DOCK4: variants seen among roughly 807,000 people sequenced by gnomAD.
The protein encoded by DOCK4 is dedicator of cytokinesis protein 4.
DOCK4 carries 97 observed loss-of-function variants against 268.1 expected under a neutral mutation model. The observed-to-expected ratio is 0.36, with a 90% CI of 0.31 to 0.43. The LOEUF is 0.43. DOCK4 is among the 20% of genes least tolerant of loss of function. The probability of loss-of-function intolerance (pLI) is 1.00; values close to 1 mark genes in which losing one functional copy is unlikely to be tolerated. For synonymous variants in DOCK4, 954 were observed against 887.2 expected (o/e 1.08, Z -1.34); for missense variants, 2,145 against 2,455.7 (o/e 0.87, Z 2.67).
intron 40 of DOCK4, 31 bp from the exon 41 acceptor site, chr7:111,758,821 A>C (rs969662227): frequency 5.0e-6 from 8 of 1,609,022 alleles, no homozygotes; most frequent in Non-Finnish European, 6.8e-6. Context: ...AGAGAACCTG[A>C]CTTGGCAAAC....
intron 1 of DOCK4, among the ~76,000 whole-genome samples, chr7:112,009,900 T>C (rs1440542521): frequency 2.0e-5 from 3 of 152,166 alleles, no homozygotes; most frequent in African/African-American, 7.2e-5. Flanking sequence ...CACTGAAACC[T>C]CCACTTCCCA....
chr7:111,954,989 A>ACTTTAAAGCTTCC (rs1474132378), intron 8 of DOCK4, among the ~76,000 whole-genome samples: 1 of 152,198 alleles, frequency 6.6e-6, no homozygotes, highest in Non-Finnish European at 1.5e-5. Flanking sequence ...AAGCCCAGCC[A>ACTTTAAAGCTTCC]TGTTAAAGGA....
intron 52 of DOCK4, among the ~76,000 whole-genome samples, chr7:111,731,452 C>T (rs965968973): frequency 1.3e-5 from 2 of 152,166 alleles, no homozygotes; most frequent in Admixed American, 6.5e-5. Context: ...ATCATTCTTT[C>T]GACACACTTC....
At chr7:111,755,437 G>A in intron 42 of DOCK4, 78 bp downstream of exon 42, 3 of 1,380,932 alleles carry the variant, frequency 2.2e-6, no homozygotes, top group Non-Finnish European at 3.1e-6. Context: ...GGTCGAAGGA[G>A]AAGTAATGAA....
chr7:112,191,522 C>T (rs1008317665), intron 1 of DOCK4, among the ~76,000 whole-genome samples: 2 of 151,980 alleles, frequency 1.3e-5, no homozygotes, highest in African/African-American at 2.4e-5. Context: ...AAAAAGACAA[C>T]GTGGGGACTT....
chr7:111,980,309 G>GTAAAT (rs1405258501), intron 7 of DOCK4, among the ~76,000 whole-genome samples: 3 of 152,090 alleles, frequency 2.0e-5, no homozygotes, highest in African/African-American at 7.2e-5. Flanking sequence ...TGGTAATTCA[G>GTAAAT]TACTTCCGCA....
At chr7:111,739,057 C>G in intron 49 of DOCK4, 77 bp downstream of exon 49, 1 of 1,258,344 alleles carries the variant, frequency 7.9e-7, no homozygotes, top group Non-Finnish European at 1.2e-6. Context: ...TGGCAGCTAC[C>G]GCGTGTTTCT....
At chr7:111,809,169 G>T in intron 29 of DOCK4, 132 bp downstream of exon 29, 1 of 766,678 alleles carries the variant, frequency 1.3e-6, no homozygotes, top group Admixed American at 2.7e-5. Flanking sequence ...AGAAAAGACT[G>T]CTTCTTGACC....
intron 1 of DOCK4, among the ~76,000 whole-genome samples, chr7:112,018,231 ACT>A (rs1402592564): frequency 6.6e-6 from 1 of 150,624 alleles, no homozygotes; most frequent in Non-Finnish European, 1.5e-5. Context: ...AACTAATAAA[ACT>A]CTGTTATTTC....
chr7:112,151,934 T>C (rs769339740), intron 1 of DOCK4, among the ~76,000 whole-genome samples: 15 of 151,204 alleles, frequency 9.9e-5, no homozygotes, highest in Non-Finnish European at 1.8e-4. Context: ...GAACCATGTA[T>C]TTTTAACTAG....
chr7:111,732,336 T>C (rs765416390), intron 51 of DOCK4, 49 bp from the exon 52 acceptor site: 11 of 1,590,700 alleles, frequency 6.9e-6, no homozygotes, highest in Admixed American at 3.4e-5. Context: ...AACCAGACGA[T>C]TGACTATCTG....
At chr7:111,744,262 C>T (rs1302798233) in intron 44 of DOCK4, among the ~76,000 whole-genome samples, 2 of 152,318 alleles carry the variant, frequency 1.3e-5, no homozygotes, top group East Asian at 3.9e-4. Flanking sequence ...GCCACATTTC[C>T]TGCAGCTGAG....
At chr7:111,780,259 A>T (rs992253268) in intron 35 of DOCK4, among the ~76,000 whole-genome samples, 23 of 151,388 alleles carry the variant, frequency 1.5e-4, no homozygotes, top group East Asian at 3.9e-4. Flanking sequence ...TGCATCATAA[A>T]TTTTTTTTTC....
At chr7:111,790,738 T>TATA in intron 30 of DOCK4, 133 bp from the exon 31 acceptor site, 1 of 1,109,214 alleles carries the variant, frequency 9.0e-7, no homozygotes, top group Non-Finnish European at 1.2e-6. Context: ...AGCAAGAAAA[T>TATA]ATAATAACCC....
chr7:112,125,189 T>A (rs1038540779), intron 1 of DOCK4, among the ~76,000 whole-genome samples: 8 of 152,182 alleles, frequency 5.3e-5, no homozygotes, highest in African/African-American at 1.9e-4. Flanking sequence ...TCTTTGTGAA[T>A]TAAATTACAG....
intron 1 of DOCK4, among the ~76,000 whole-genome samples, chr7:112,103,863 C>A (rs1170707480): frequency 6.6e-6 from 1 of 152,118 alleles, no homozygotes; most frequent in African/African-American, 2.4e-5. Flanking sequence ...GCCTGGGCGA[C>A]AGAGAGAAAC....
At chr7:111,874,609 T>C (rs1172188166) in intron 17 of DOCK4, among the ~76,000 whole-genome samples, 1 of 152,236 alleles carries the variant, frequency 6.6e-6, no homozygotes, top group African/African-American at 2.4e-5. Flanking sequence ...CTGAGGATGT[T>C]AGTTGCAAAT....
intron 24 of DOCK4, 74 bp from the exon 25 acceptor site, chr7:111,844,971 A>G (rs1240301956): frequency 4.6e-6 from 7 of 1,526,176 alleles, no homozygotes. Flanking sequence ...AAAAGGGGAA[A>G]TCAAAGAGTC....
At chr7:112,105,926 A>G (rs1265022863) in intron 1 of DOCK4, among the ~76,000 whole-genome samples, 2 of 152,180 alleles carry the variant, frequency 1.3e-5, no homozygotes, top group African/African-American at 2.4e-5. Flanking sequence ...CCTGGGCTCA[A>G]GCAATGCTCC....
Sources: allele counts gnomAD v4.1 joint callset (sites outside exome capture counted in the v4.1 genomes callset), GRCh38; gene constraint gnomAD v4.1.1; transcripts MANE v1.5; gene names NCBI Gene and HGNC (gene_info 2026-07-23, HGNC 2026-07-21).